Variants in RANBP17 observed in about 807,000 individuals in gnomAD.
The protein encoded by RANBP17 is RAN binding protein 17, also known as ran-binding protein 17.
A neutral mutation model predicts 141.2 loss-of-function variants in RANBP17; 158 were observed. That is an observed-to-expected ratio of 1.12 (90% CI 0.98 to 1.28). The LOEUF is 1.28. Ranked by LOEUF, RANBP17 falls within the 50% of genes most tolerant of loss-of-function variation. RANBP17 has a pLI of 0.00. For missense variants in RANBP17, 1,438 were observed against 1,290.7 expected (o/e 1.11, Z -1.75); for synonymous variants, 430 against 450.0 (o/e 0.96, Z 0.56).
intron 14 of RANBP17, among the ~76,000 whole-genome samples, chr5:171,026,613 T>C (rs186736292): frequency 6.6e-6 from 1 of 152,354 alleles, no homozygotes; most frequent in East Asian, 1.9e-4. Flanking sequence ...GAGTGTTTCT[T>C]AGATTACCAA....
intron 12 of RANBP17, among the ~76,000 whole-genome samples, chr5:170,948,988 C>A (rs1198772797): frequency 6.6e-6 from 1 of 151,978 alleles, no homozygotes; most frequent in East Asian, 1.9e-4. Flanking sequence ...CACCTCATCT[C>A]TACAAAATAT....
chr5:171,199,809 T>C (rs1316430902), intron 19 of RANBP17, 36 bp downstream of exon 19: 1 of 1,373,542 alleles, frequency 7.3e-7, no homozygotes, highest in Non-Finnish European at 1.0e-6. Context: ...ATGACAGTTT[T>C]GTTTTTTCTA....
At chr5:171,057,472 A>G (rs907759661) in intron 14 of RANBP17, among the ~76,000 whole-genome samples, 14 of 151,272 alleles carry the variant, frequency 9.3e-5, no homozygotes, top group African/African-American at 2.7e-4. Flanking sequence ...ATTTCAATAC[A>G]TAGAGTTCCT....
At chr5:171,046,986 A>G (rs1325119162) in intron 14 of RANBP17, among the ~76,000 whole-genome samples, 1 of 146,544 alleles carries the variant, frequency 6.8e-6, no homozygotes, top group Admixed American at 6.8e-5. Context: ...ATGGGATTGT[A>G]GGGCATCTCA....
intron 14 of RANBP17, among the ~76,000 whole-genome samples, chr5:171,163,192 T>G (rs1254693460): frequency 2.0e-5 from 3 of 152,202 alleles, no homozygotes; most frequent in African/African-American, 7.2e-5. Flanking sequence ...AATTTCAGGC[T>G]TATATTTAGT....
At chr5:171,179,080 G>A (rs1190840069) in intron 16 of RANBP17, among the ~76,000 whole-genome samples, 1 of 152,074 alleles carries the variant, frequency 6.6e-6, no homozygotes, top group Non-Finnish European at 1.5e-5. Flanking sequence ...TGATGTTTTA[G>A]TCATGAAGTC....
At chr5:170,926,665 A>T (rs1407507531) in intron 12 of RANBP17, among the ~76,000 whole-genome samples, 3 of 151,220 alleles carry the variant, frequency 2.0e-5, no homozygotes, top group Admixed American at 6.6e-5. Flanking sequence ...ATTCACAAAA[A>T]TTTTTTTGAA....
chr5:171,225,235 T>C (rs1170552331), intron 22 of RANBP17, among the ~76,000 whole-genome samples: 1 of 152,256 alleles, frequency 6.6e-6, no homozygotes, highest in African/African-American at 2.4e-5. Flanking sequence ...TGAAGCACTG[T>C]TCTTTAAAGT....
chr5:171,062,111 C>G (rs553728511), intron 14 of RANBP17, among the ~76,000 whole-genome samples: 1,906 of 151,566 alleles, frequency 0.013, 23 homozygotes, highest in Non-Finnish European at 0.021. Flanking sequence ...GACTCTTTAT[C>G]CAATTTGCCA....
chr5:171,027,798 A>G (rs960289802), intron 14 of RANBP17, among the ~76,000 whole-genome samples: 15 of 152,076 alleles, frequency 9.9e-5, no homozygotes, highest in African/African-American at 3.1e-4. Flanking sequence ...ATTTTGTAGA[A>G]CGGGAATTGG....
At chr5:171,128,655 GATT>G (rs1198613370) in intron 14 of RANBP17, among the ~76,000 whole-genome samples, 1 of 152,108 alleles carries the variant, frequency 6.6e-6, no homozygotes, top group Non-Finnish European at 1.5e-5. Context: ...TACAGGAGAG[GATT>G]TGAAATATTC....
intron 14 of RANBP17, among the ~76,000 whole-genome samples, chr5:171,115,664 T>C (rs1755567770): frequency 6.6e-6 from 1 of 152,230 alleles, no homozygotes; most frequent in Non-Finnish European, 1.5e-5. Context: ...CTTATATACT[T>C]AGTGCACAAT....
intron 5 of RANBP17, among the ~76,000 whole-genome samples, chr5:170,902,784 C>T (rs1441798047): frequency 6.6e-6 from 1 of 152,198 alleles, no homozygotes; most frequent in Non-Finnish European, 1.5e-5. Context: ...GGCCCCTCTG[C>T]TGCAGGTCTG....
intron 14 of RANBP17, among the ~76,000 whole-genome samples, chr5:171,120,111 G>A (rs994899852): frequency 1.3e-5 from 2 of 150,690 alleles, no homozygotes; most frequent in Non-Finnish European, 2.9e-5. Flanking sequence ...AGAATTTTCT[G>A]TTTATCAGAC....
At chr5:170,965,221 T>C (rs1423198243) in intron 13 of RANBP17, among the ~76,000 whole-genome samples, 2 of 144,692 alleles carry the variant, frequency 1.4e-5, no homozygotes, top group East Asian at 2.1e-4. Flanking sequence ...TGTTCATGTC[T>C]TTTGCCCACT....
Position 171,019,086 on chromosome 5 carries a change from C to T in RANBP17, c.1710+50709C>T, listed in dbSNP as rs890643316. Among the ~76,000 whole-genome samples the T allele has an allele frequency of 2.0e-5, 3 of 152,108 alleles. No individual in the cohort carries two copies. The East Asian group carries it at 5.8e-4, about 29-fold the overall frequency. On this transcript the variant is annotated intron_variant, in intron 14 of 27. Transcript: ENST00000523189. The stretch of plus-strand genomic sequence containing the variant: ...ATTGATTTGTATATGTGGAACCAGC[C>T]TTGTATCCGAGGGATGAAGCTGACT...
At chr5:171,061,342 A>C (rs1296399044) in intron 14 of RANBP17, among the ~76,000 whole-genome samples, 3 of 152,120 alleles carry the variant, frequency 2.0e-5, no homozygotes, top group East Asian at 1.9e-4. Context: ...AATGTGTCCC[A>C]GAGATTCTGG....
In RANBP17 at chr5:170,938,055, A is replaced by G. The variant is rs535527420; in HGVS notation, c.1468+13505A>G. On this transcript the variant is annotated intron_variant, in intron 12 of 27. Coordinates refer to ENST00000523189, the MANE Select transcript of RANBP17 (RefSeq NM_022897.5). ...TGATTCTGTGTCTCTCCTTTCTCTG[A>G]CCTCCTCCCTCCCAGCCTCTCCCAT... Among the ~76,000 whole-genome samples the G allele has an allele frequency of 1.8e-3, 271 of 151,952 alleles. 1 individual carries two copies. Among genetic ancestry groups the G allele is most frequent in the African/African-American group, 6.4e-3 (265 of 41,416 alleles).
chr5:171,168,713 A>G (rs1258422239), intron 14 of RANBP17, among the ~76,000 whole-genome samples: 2 of 152,168 alleles, frequency 1.3e-5, no homozygotes, highest in African/African-American at 4.8e-5. Flanking sequence ...TAATCTTGTT[A>G]GAGATGAAGG....
Sources: gnomAD v4.1 joint callset for allele counts (sites outside exome capture counted in the v4.1 genomes callset) on GRCh38, gnomAD v4.1.1 for gene constraint, MANE v1.5 for transcripts, NCBI Gene and HGNC (gene_info 2026-07-23, HGNC 2026-07-21) for gene names.